Variants in CHRM3 observed in about 807,000 individuals in gnomAD.
CHRM3 encodes muscarinic acetylcholine receptor M3.
CHRM3 carries 11 observed loss-of-function variants against 41.8 expected under a neutral mutation model. The ratio of observed to expected loss-of-function variants is 0.26; its 90% CI spans 0.17 to 0.44. The LOEUF is 0.44. CHRM3 is among the 20% of genes least tolerant of loss of function. CHRM3 has a pLI of 1.00. For synonymous variants in CHRM3, 297 were observed against 301.4 expected, an observed-to-expected ratio of 0.99 and a Z score of 0.15; for missense variants, 571 against 745.4, an observed-to-expected ratio of 0.77 and a Z score of 2.72.
intron 6 of CHRM3, among the ~76,000 whole-genome samples, chr1:239,843,270 G>A (rs987377894): frequency 6.6e-6 from 1 of 152,024 alleles, no homozygotes; most frequent in Non-Finnish European, 1.5e-5. Flanking sequence ...CCTAGCACAA[G>A]TGTAGAATGT....
chr1:239,532,519 G>A (rs1245006802), intron 2 of CHRM3, among the ~76,000 whole-genome samples: 4 of 150,832 alleles, frequency 2.7e-5, no homozygotes, highest in Admixed American at 6.6e-5. Context: ...CAGCTACTCC[G>A]GAGGCTGAGG....
At chr1:239,425,099 A>G (rs1662264760) in intron 1 of CHRM3, among the ~76,000 whole-genome samples, 1 of 152,182 alleles carries the variant, frequency 6.6e-6, no homozygotes, top group Admixed American at 6.5e-5. Flanking sequence ...GAAGATGGAC[A>G]CAGTGGTTCA....
chr1:239,608,644 A>G (rs1335387542), intron 3 of CHRM3, among the ~76,000 whole-genome samples: 2 of 152,216 alleles, frequency 1.3e-5, no homozygotes, highest in Non-Finnish European at 2.9e-5. Context: ...TGCAAGTGCC[A>G]TAGAATGACA....
chr1:239,811,384 C>G (rs1312529502), intron 5 of CHRM3, among the ~76,000 whole-genome samples: 1 of 152,218 alleles, frequency 6.6e-6, no homozygotes, highest in East Asian at 1.9e-4. Context: ...ACACTTTGAT[C>G]TTGTCACTCC....
chr1:239,571,905 T>C (rs1210165857), intron 3 of CHRM3, among the ~76,000 whole-genome samples: 1 of 152,224 alleles, frequency 6.6e-6, no homozygotes, highest in Admixed American at 6.5e-5. Context: ...TCAGTGCTTT[T>C]GCAGTAGGAC....
At chr1:239,746,801 A>G (rs1665401090) in intron 5 of CHRM3, among the ~76,000 whole-genome samples, 1 of 151,648 alleles carries the variant, frequency 6.6e-6, no homozygotes, top group South Asian at 2.1e-4. Context: ...TCTGTCACCC[A>G]GGCTGGAGTG....
In CHRM3 at chr1:239,412,078, T is replaced by C. The variant is rs148025070; in HGVS notation, c.-521+24851T>C. 4.1e-3 allele frequency among the ~76,000 whole-genome samples: 624 copies of C among 151,638 alleles called. 9 individuals carry two copies. The highest frequency in any genetic ancestry group is 0.012 in the South Asian group (58 of 4,806). ...AATCATATAAAAATTTTGGTTATATTAATATTTAATATTAATATGTTTTGA... is the reference window on the plus strand; with the variant it reads ...AATCATATAAAAATTTTGGTTATATCAATATTTAATATTAATATGTTTTGA... On this transcript the variant is annotated intron_variant, in intron 1 of 6. Transcript: ENST00000676153.
At chr1:239,591,312 CCA>C (rs1459603481) in intron 3 of CHRM3, among the ~76,000 whole-genome samples, 1 of 152,098 alleles carries the variant, frequency 6.6e-6, no homozygotes, top group Non-Finnish European at 1.5e-5. Context: ...TAGCCTCCAC[CCA>C]CATGGAAAAC....
chr1:239,528,490 G>A (rs544868937), intron 2 of CHRM3, among the ~76,000 whole-genome samples: 4 of 152,216 alleles, frequency 2.6e-5, no homozygotes, highest in African/African-American at 9.6e-5. Flanking sequence ...TCCAACTACA[G>A]TACATTCCAA....
At chr1:239,465,784 C>T (rs1665681089) in intron 1 of CHRM3, among the ~76,000 whole-genome samples, 1 of 152,130 alleles carries the variant, frequency 6.6e-6, no homozygotes, top group Non-Finnish European at 1.5e-5. Flanking sequence ...CGTGGGTTCA[C>T]TTACGTGAGA....
At position 239,445,473 on chromosome 1, in the gene CHRM3, C is replaced by T. The variant is rs79376676; in HGVS notation, c.-520-47236C>T. ...TGGAAACAGGACGGCATTAATGTTT[C>T]ATAGCACTTTGTACATGCCTCTGTT... On this transcript the variant is annotated intron_variant, in intron 1 of 6. Transcript: ENST00000676153. Among the ~76,000 whole-genome samples, 1,193 of 152,270 alleles carry T rather than the reference C, an allele frequency of 7.8e-3. 14 individuals carry two copies. The highest frequency in any genetic ancestry group is 0.027 in the African/African-American group (1,140 of 41,546).
At chr1:239,845,559 C>G (rs1241978445) in intron 6 of CHRM3, among the ~76,000 whole-genome samples, 1 of 152,182 alleles carries the variant, frequency 6.6e-6, no homozygotes, top group Non-Finnish European at 1.5e-5. Flanking sequence ...GTCACCCGCC[C>G]AGCTCTCATG....
intron 4 of CHRM3, among the ~76,000 whole-genome samples, chr1:239,642,558 C>T (rs1020686563): frequency 3.3e-5 from 5 of 152,172 alleles, no homozygotes; most frequent in African/African-American, 4.8e-5. Flanking sequence ...TTGATCGCAT[C>T]GGCTCCTGAG....
At chr1:239,642,304 T>C (rs993755302) in intron 4 of CHRM3, among the ~76,000 whole-genome samples, 6 of 151,906 alleles carry the variant, frequency 3.9e-5, no homozygotes, top group East Asian at 3.9e-4. Flanking sequence ...TGAATTTGAA[T>C]GTTGGCCTGC....
chr1:239,477,236 T>A (rs950267813), intron 1 of CHRM3, among the ~76,000 whole-genome samples: 11 of 152,244 alleles, frequency 7.2e-5, no homozygotes, highest in African/African-American at 2.7e-4. Context: ...GCCTGAGTTT[T>A]CAATTCTAAA....
At chr1:239,442,598 CTCTT>C (rs1389411203) in intron 1 of CHRM3, among the ~76,000 whole-genome samples, 1 of 152,098 alleles carries the variant, frequency 6.6e-6, no homozygotes, top group Non-Finnish European at 1.5e-5. Context: ...TTGGATCAGA[CTCTT>C]TGAGGTTGTT....
chr1:239,854,147 TTAAAA>T (rs1301477686), intron 6 of CHRM3, among the ~76,000 whole-genome samples: 4 of 152,078 alleles, frequency 2.6e-5, no homozygotes, highest in East Asian at 1.9e-4. Context: ...ATTTTGAAAC[TTAAAA>T]TAAAATGTAG....
chr1:239,847,421 G>T (rs1486737471), intron 6 of CHRM3, among the ~76,000 whole-genome samples: 1 of 152,224 alleles, frequency 6.6e-6, no homozygotes, highest in Non-Finnish European at 1.5e-5. Context: ...TATATTTGAT[G>T]TCGATACATT....
chr1:239,509,518 C>A (rs1438050119), intron 2 of CHRM3, among the ~76,000 whole-genome samples: 1 of 152,200 alleles, frequency 6.6e-6, no homozygotes, highest in African/African-American at 2.4e-5. Flanking sequence ...TGTGTGATAA[C>A]CCCAGCCAAG....
Sources: allele counts gnomAD v4.1 joint callset (sites outside exome capture counted in the v4.1 genomes callset), GRCh38; gene constraint gnomAD v4.1.1; transcripts MANE v1.5; gene names NCBI Gene and HGNC (gene_info 2026-07-23, HGNC 2026-07-21).